SLC13A4: variants seen among roughly 807,000 people sequenced by gnomAD.
The protein encoded by SLC13A4 is solute carrier family 13 member 4.
Under a neutral mutation model 72.7 loss-of-function variants are expected in SLC13A4, and 28 were observed. The ratio of observed to expected loss-of-function variants is 0.39; its 90% CI spans 0.29 to 0.53. The LOEUF (loss-of-function observed/expected upper bound fraction) is 0.53, where lower values mean the gene tolerates loss of function less well. SLC13A4 is among the 20% of genes least tolerant of loss of function. The pLI, the probability that SLC13A4 is intolerant of heterozygous loss-of-function variation, is 0.78. For synonymous variants in SLC13A4, 312 were observed against 325.5 expected (o/e 0.96, Z 0.45); for missense variants, 653 against 788.0 (o/e 0.83, Z 2.05).
intron 2 of SLC13A4, among the ~76,000 whole-genome samples, chr7:135,719,918 C>G (rs536277877): frequency 9.3e-6 from 1 of 108,048 alleles, no homozygotes; most frequent in African/African-American, 3.8e-5. Flanking sequence ...GAGAGAGAGA[C>G]GGGCCCAGGG....
At chr7:135,686,063 A>G (rs746445941) in intron 13 of SLC13A4, among the ~76,000 whole-genome samples, 14 of 152,224 alleles carry the variant, frequency 9.2e-5, no homozygotes, top group East Asian at 1.9e-4. Flanking sequence ...TGATTCGACA[A>G]TGCCCTTCAC....
chr7:135,697,850 T>G (rs1352062484), intron 8 of SLC13A4, among the ~76,000 whole-genome samples: 1 of 152,012 alleles, frequency 6.6e-6, no homozygotes, highest in African/African-American at 2.4e-5. Flanking sequence ...GGCTAATCTC[T>G]CTTAATCTAG....
chr7:135,727,752 A>T lies in SLC13A4; in HGVS notation c.-256T>A, dbSNP rs181653228. 4.5e-6 allele frequency: 2 copies of T among 445,776 alleles called. No individual in the cohort carries two copies. The highest frequency in any genetic ancestry group is 1.0e-4 in the South Asian group (2 of 19,056). The allele number at this position is 445,776 out of a possible 1,614,324, so 27.6% of individuals were successfully genotyped here. A position where few individuals can be genotyped will look rare whatever the true frequency, so the allele number is the denominator to read the frequency against. On this transcript the variant is annotated 5_prime_UTR_variant, in exon 1 of 16. Transcript: ENST00000682651. ...ACCAGCAAAAAGGAACTGGGAAAGG[A>T]TGATAAACGGGGGCATAGTGGGCCT...
At chr7:135,715,513 G>A (rs1024137977) in intron 2 of SLC13A4, among the ~76,000 whole-genome samples, 1 of 140,632 alleles carries the variant, frequency 7.1e-6, no homozygotes, top group African/African-American at 2.7e-5. Flanking sequence ...GAGTGTGTAT[G>A]TGAGTGTGTG....
rs1160400694 is a variant in SLC13A4 at position 135,699,505 on chromosome 7, A to C, written c.758T>G (p.Leu253Arg). 1 of 1,611,442 alleles carries C rather than the reference A, an allele frequency of 6.2e-7. No individual in the cohort carries two copies. Among genetic ancestry groups the C allele is most frequent in the East Asian group, 2.2e-5 (1 of 44,810 alleles). Residue 253 changes from leucine (L) to arginine (R), a missense_variant, in exon 8 of 16, where the codon CTG becomes CGG. Leu to Arg is a moderately radical substitution (Grantham distance 102, BLOSUM62 -2). Transcript: ENST00000682651. Reference protein sequence around the residue: ...VLTPSPRKQKLNRKYRSHHDQ... With the variant: ...VLTPSPRKQKRNRKYRSHHDQ... Reference sequence around the variant, plus strand: ...ATGGTGGGACCTGTACTTTCTGTTCAGCTTCTGCTTCCTGGGGCTGGGGGT... The same window carrying C: ...ATGGTGGGACCTGTACTTTCTGTTCCGCTTCTGCTTCCTGGGGCTGGGGGT...
chr7:135,727,746 G>C lies in SLC13A4; in HGVS notation c.-250C>G. 2.2e-6 allele frequency: 1 copy of C among 457,062 alleles called. No homozygotes were observed. Among genetic ancestry groups the C allele is most frequent in the Non-Finnish European group, 3.9e-6 (1 of 258,338 alleles). 28.3% of individuals were successfully genotyped at this position (457,062 alleles called of 1,614,324 possible). On this transcript the variant is annotated 5_prime_UTR_variant, in exon 1 of 16. Coordinates refer to ENST00000682651, the MANE Select transcript of SLC13A4 (RefSeq NM_001318192.2). ...TTTGTGACCAGCAAAAAGGAACTGGGAAAGGATGATAAACGGGGGCATAGT... is the reference window on the plus strand; with the variant it reads ...TTTGTGACCAGCAAAAAGGAACTGGCAAAGGATGATAAACGGGGGCATAGT...
intron 2 of SLC13A4, among the ~76,000 whole-genome samples, chr7:135,716,735 G>A (rs1239489234): frequency 6.6e-6 from 1 of 152,166 alleles, no homozygotes; most frequent in Non-Finnish European, 1.5e-5. Context: ...CTGCATAACC[G>A]CGGGTAAGTA....
At chr7:135,685,825 G>A in intron 13 of SLC13A4, 142 bp from the exon 14 acceptor site, 1 of 717,716 alleles carries the variant, frequency 1.4e-6, no homozygotes. Flanking sequence ...AACCAGAGGT[G>A]TTCCTGATTT....
intron 5 of SLC13A4, 175 bp from the exon 6 acceptor site, chr7:135,703,059 AG>A (rs1233283392): frequency 1.7e-6 from 1 of 599,800 alleles, no homozygotes; most frequent in Non-Finnish European, 3.0e-6. Flanking sequence ...AGATGCTGTA[AG>A]GATTAGTGGG....
chr7:135,711,073 G>A (rs1237662726), intron 2 of SLC13A4, among the ~76,000 whole-genome samples: 1 of 152,198 alleles, frequency 6.6e-6, no homozygotes, highest in Non-Finnish European at 1.5e-5. Flanking sequence ...GGTTGAACTT[G>A]GAGGTTCAAG....
chr7:135,690,206 AAG>A (rs1795747607), intron 13 of SLC13A4, among the ~76,000 whole-genome samples: 1 of 147,780 alleles, frequency 6.8e-6, no homozygotes, highest in Admixed American at 6.8e-5. Flanking sequence ...AAAAAAAAAA[AAG>A]AGAACCAAGT....
At chr7:135,683,841 T>A in intron 15 of SLC13A4, 2 of 945,440 alleles carry the variant, frequency 2.1e-6, no homozygotes, top group Non-Finnish European at 2.5e-6. Flanking sequence ...TTGCACAGGC[T>A]CATGCCTTCT....
intron 2 of SLC13A4, among the ~76,000 whole-genome samples, chr7:135,711,290 G>A (rs1796295811): frequency 6.6e-6 from 1 of 152,106 alleles, no homozygotes; most frequent in African/African-American, 2.4e-5. Context: ...CCCAGGGACT[G>A]ACTGACAAGA....
intron 2 of SLC13A4, among the ~76,000 whole-genome samples, chr7:135,717,269 T>TC (rs546177018): frequency 2.0e-5 from 3 of 152,230 alleles, no homozygotes; most frequent in Non-Finnish European, 2.9e-5. Context: ...ATTCTTTTTT[T>TC]CCCCCCTGGA....
rs149321060 is a variant in SLC13A4 at position 135,727,416 on chromosome 7, G to C, written c.81C>G (p.Pro27=). ...TACTCACGCTGCTGGGGTGGAGGAC[G>C]GGCAGAGGCAGCAGCAGGAGCGGGA... ...VCVPLLLLPL[P]VLHPSSEASC... is the part of the protein sequence containing the mutation. Residue 27 remains proline (P), a synonymous_variant, in exon 1 of 16, where the codon CCC becomes CCG. Coordinates refer to ENST00000682651, the MANE Select transcript of SLC13A4 (RefSeq NM_001318192.2). 4.5e-6 allele frequency: 7 copies of C among 1,549,634 alleles called. No homozygotes were observed. The highest frequency in any genetic ancestry group is 2.4e-5 in the East Asian group (1 of 40,910).
intron 2 of SLC13A4, among the ~76,000 whole-genome samples, chr7:135,715,468 AGTGTGT>A (rs144158091): frequency 0.046 from 6,794 of 147,396 alleles, 187 homozygotes; most frequent in South Asian, 0.088. Context: ...AGTGCATATG[AGTGTGT>A]GTATGTGTAT....
intron 13 of SLC13A4, chr7:135,688,847 A>G (rs2129493890): frequency 6.6e-6 from 1 of 151,722 alleles, no homozygotes; most frequent in African/African-American, 2.4e-5. Flanking sequence ...TATGTGCACA[A>G]TTTTGTTTTT....
At position 135,699,467 on chromosome 7, in the gene SLC13A4, A is replaced by C. The variant is rs748122663; in HGVS notation, c.796T>G (p.Cys266Gly). The C allele has an allele frequency of 1.9e-6, 3 of 1,613,236 alleles. No individual in the cohort carries two copies. In the Admixed American group the frequency reaches 5.0e-5, roughly 27 times the overall value. ...GATATGCTCAGGGAGAGGCACTTGC[A>C]GATCATCTGGTCATGGTGGGACCTG... ...KYRSHHDQMI[C>G]KCLSLSISYS... Residue 266 changes from cysteine (C) to glycine (G), a missense_variant, in exon 8 of 16, where the codon TGC (cysteine) becomes GGC (glycine). Physicochemically the swap from Cys to Gly is radical, Grantham distance 159. Transcript: ENST00000682651.
intron 8 of SLC13A4, among the ~76,000 whole-genome samples, chr7:135,697,242 C>T (rs62479537): frequency 0.011 from 1,601 of 152,380 alleles, 16 homozygotes; most frequent in Middle Eastern, 0.014. Context: ...AAATCTATGC[C>T]TTCAGCCTAA....
Sources: allele counts gnomAD v4.1 joint callset (sites outside exome capture counted in the v4.1 genomes callset), GRCh38; gene constraint gnomAD v4.1.1; transcripts MANE v1.5; gene names NCBI Gene and HGNC (gene_info 2026-07-23, HGNC 2026-07-21).